The following CLINT1 variants were observed in gnomAD, a reference collection of about 807,000 sequenced individuals.
CLINT1 encodes clathrin interacting protein localized in the trans-Golgi region.
CLINT1 carries 15 observed loss-of-function variants against 70.4 expected under a neutral mutation model. That is an observed-to-expected ratio of 0.21 (90% CI 0.14 to 0.33). The LOEUF (loss-of-function observed/expected upper bound fraction) is 0.33. Ranked by LOEUF, CLINT1 falls within the 10% of genes least tolerant of loss-of-function variation. The pLI, the probability that CLINT1 is intolerant of heterozygous loss-of-function variation, is 1.00. For missense variants in CLINT1, 615 were observed against 778.1 expected (o/e 0.79, Z 2.49); for synonymous variants, 227 against 254.7 (o/e 0.89, Z 1.04).
At chr5:157,844,598 G>C (rs1247852503) in intron 1 of CLINT1, among the ~76,000 whole-genome samples, 1 of 152,142 alleles carries the variant, frequency 6.6e-6, no homozygotes, top group African/African-American at 2.4e-5. Context: ...TACATCCTAT[G>C]CCAGAAATAT....
chr5:157,813,256 C>A, intron 4 of CLINT1, 29 bp from the exon 5 acceptor site: 1 of 1,578,712 alleles, frequency 6.3e-7, no homozygotes, highest in Non-Finnish European at 8.6e-7. Context: ...ATAAGCAAAA[C>A]CTAAGAATTC....
At chr5:157,818,038 A>C (rs933938055) in intron 1 of CLINT1, among the ~76,000 whole-genome samples, 1 of 152,214 alleles carries the variant, frequency 6.6e-6, no homozygotes, top group African/African-American at 2.4e-5. Context: ...AGATGTTTAG[A>C]ACCACTATAA....
At chr5:157,788,079 A>C in intron 11 of CLINT1, 87 bp from the exon 12 acceptor site, 1 of 1,000,800 alleles carries the variant, frequency 1.0e-6, no homozygotes, top group Non-Finnish European at 1.5e-6. Flanking sequence ...TTGACCATCT[A>C]TCTATACTTC....
At position 157,805,981 on chromosome 5, in the gene CLINT1, T is replaced by C. The variant is rs1170752359; in HGVS notation, c.827A>G (p.Lys276Arg). The change falls in exon 7 of 12, where the codon AAG becomes AGG. Residue 276 changes from lysine to arginine, a missense_variant. By Grantham distance (26) the Lys-to-Arg change is conservative (BLOSUM62 2). Transcript: ENST00000411809. ...GGTTTTGGAAGGATTTGCTGTGCGC[T>C]TGTGTCTGGTTGTGGTGGTCTCTGT... ...QATETTTTRH[K>R]RTANPSKTID... 1.9e-6 allele frequency: 3 copies of C among 1,614,010 alleles called. No homozygotes were observed. The highest frequency in any genetic ancestry group is 1.7e-6 in the Non-Finnish European group (2 of 1,179,898).
intron 1 of CLINT1, among the ~76,000 whole-genome samples, chr5:157,833,399 G>T (rs1369360319): frequency 6.6e-6 from 1 of 151,642 alleles, no homozygotes; most frequent in Non-Finnish European, 1.5e-5. Context: ...GATATAAAAG[G>T]TCCTTCATAT....
At chr5:157,849,958 C>G (rs146713180) in intron 1 of CLINT1, among the ~76,000 whole-genome samples, 265 of 152,254 alleles carry the variant, frequency 1.7e-3, no homozygotes, top group Non-Finnish European at 2.8e-3. Context: ...ACTTGCATAT[C>G]AGAGGCAGGA....
intron 6 of CLINT1, among the ~76,000 whole-genome samples, 165 bp from the exon 7 acceptor site, chr5:157,806,277 A>G (rs1239172815): frequency 6.6e-6 from 1 of 152,160 alleles, no homozygotes; most frequent in African/African-American, 2.4e-5. Context: ...CTGAATAATG[A>G]TATATGTGCG....
At chr5:157,801,230 G>C (rs1183439874) in intron 8 of CLINT1, among the ~76,000 whole-genome samples, 1 of 152,230 alleles carries the variant, frequency 6.6e-6, no homozygotes, top group Non-Finnish European at 1.5e-5. Flanking sequence ...AGGCTGGCCA[G>C]GCATGGTGGC....
At chr5:157,839,046 T>C (rs1358567305) in intron 1 of CLINT1, among the ~76,000 whole-genome samples, 2 of 151,462 alleles carry the variant, frequency 1.3e-5, no homozygotes, top group Non-Finnish European at 2.9e-5. Flanking sequence ...CTGGGCAACA[T>C]GGCAAAACCC....
At chr5:157,803,015 C>A (rs184959374) in intron 8 of CLINT1, among the ~76,000 whole-genome samples, 16 of 152,266 alleles carry the variant, frequency 1.1e-4, no homozygotes, top group Admixed American at 1.0e-3. Context: ...TACAAGCACC[C>A]AGATCAGTGT....
intron 5 of CLINT1, among the ~76,000 whole-genome samples, chr5:157,811,595 G>C (rs1762560753): frequency 6.6e-6 from 1 of 151,594 alleles, no homozygotes; most frequent in Non-Finnish European, 1.5e-5. Context: ...AGTTAAGTCT[G>C]AATAACATAA....
chr5:157,792,096 C>T, intron 9 of CLINT1, 101 bp from the exon 10 acceptor site: 4 of 961,658 alleles, frequency 4.2e-6, no homozygotes, highest in Non-Finnish European at 6.2e-6. Context: ...TCTGAGTCCC[C>T]CAGATTAACA....
rs1293812921 is a variant in CLINT1, at chr5:157,806,019, A to G, written c.789T>C (p.His263=). The G allele has an allele frequency of 1.9e-6, 3 of 1,613,790 alleles. No individual in the cohort carries two copies. The Admixed American group carries it at 5.0e-5, about 27-fold the overall frequency. The change falls in exon 7 of 12, where the codon CAT becomes CAC. Residue 263 remains histidine (H), a synonymous_variant. Coordinates refer to ENST00000411809, the MANE Select transcript of CLINT1 (RefSeq NM_014666.4). Reference sequence around the variant, plus strand: ...TGGTGGTCTCTGTGGCCTGTGTGATATGAATATGCTTTGTCGTCACAGTCT... The same window carrying G: ...TGGTGGTCTCTGTGGCCTGTGTGATGTGAATATGCTTTGTCGTCACAGTCT... ...EEETVTTKHI[H]ITQATETTTT... is the part of the protein sequence containing the mutation.
Position 157,806,088 on chromosome 5 carries a change from C to T in CLINT1, c.720G>A (p.Ala240=), listed in dbSNP as rs114888930. The change falls in exon 7 of 12, where the codon GCG becomes GCA. Residue 240 remains alanine (A), a synonymous_variant. Transcript: ENST00000411809. ...RCSDSDEEKK[A]RRGRSPKGEF... Reference sequence around the variant, plus strand: ...CACCTTTGGGAGATCTGCCTCTTCTCGCTTTCTTTTCCTCATCGCTGTCGC... The same window carrying T: ...CACCTTTGGGAGATCTGCCTCTTCTTGCTTTCTTTTCCTCATCGCTGTCGC... 25 of 1,613,890 alleles carry T rather than the reference C, an allele frequency of 1.5e-5. No individual in the cohort carries two copies. Among genetic ancestry groups the T allele is most frequent in the Admixed American group, 1.7e-5 (1 of 60,004 alleles).
intron 1 of CLINT1, among the ~76,000 whole-genome samples, chr5:157,845,972 G>A (rs1435844673): frequency 6.6e-6 from 1 of 152,106 alleles, no homozygotes; most frequent in Non-Finnish European, 1.5e-5. Flanking sequence ...CATGAACCAC[G>A]CTGCTAATTG....
At chr5:157,800,943 G>A (rs1429268075) in intron 8 of CLINT1, among the ~76,000 whole-genome samples, 5 of 152,178 alleles carry the variant, frequency 3.3e-5, no homozygotes, top group Admixed American at 6.5e-5. Context: ...TTTCACAGAT[G>A]CATGAAAGGG....
At chr5:157,847,354 A>C (rs919321324) in intron 1 of CLINT1, among the ~76,000 whole-genome samples, 4 of 152,204 alleles carry the variant, frequency 2.6e-5, no homozygotes, top group South Asian at 4.1e-4. Context: ...AAACTTAAAA[A>C]TTAAAAATTA....
intron 6 of CLINT1, chr5:157,809,306 C>T (rs1762474276): frequency 4.8e-6 from 1 of 209,258 alleles, no homozygotes; most frequent in African/African-American, 2.3e-5. Flanking sequence ...TATAGGAAAC[C>T]CCAACGTAAA....
At chr5:157,847,432 AC>A (rs1753419873) in intron 1 of CLINT1, among the ~76,000 whole-genome samples, 1 of 151,978 alleles carries the variant, frequency 6.6e-6, no homozygotes, top group South Asian at 2.1e-4. Flanking sequence ...AATGGCGTGA[AC>A]CCAGGAGGCA....
Sources: gnomAD v4.1 joint callset for allele counts (sites outside exome capture counted in the v4.1 genomes callset) on GRCh38, gnomAD v4.1.1 for gene constraint, MANE v1.5 for transcripts, NCBI Gene and HGNC (gene_info 2026-07-23, HGNC 2026-07-21) for gene names.